Variants in GRIK2 observed in about 807,000 individuals in gnomAD.
The protein encoded by GRIK2 is glutamate receptor ionotropic, kainate 2.
GRIK2 carries 32 observed loss-of-function variants against 100.3 expected under a neutral mutation model. The observed-to-expected ratio is 0.32, with a 90% CI of 0.24 to 0.43. The LOEUF is 0.43. GRIK2 is among the 20% of genes least tolerant of loss of function. The pLI, the probability that GRIK2 is intolerant of heterozygous loss-of-function variation, is 1.00. For synonymous variants in GRIK2, 417 were observed against 389.4 expected, an observed-to-expected ratio of 1.07 and a Z score of -0.83; for missense variants, 843 against 1,114.9, an observed-to-expected ratio of 0.76 and a Z score of 3.47.
chr6:101,691,235 A>G (rs1048291061), intron 7 of GRIK2, among the ~76,000 whole-genome samples: 3 of 152,010 alleles, frequency 2.0e-5, no homozygotes, highest in Non-Finnish European at 4.4e-5. Flanking sequence ...TATTATCAAT[A>G]TATCTAATCA....
intron 6 of GRIK2, among the ~76,000 whole-genome samples, chr6:101,684,377 G>A (rs949395): frequency 0.93 from 141,140 of 152,274 alleles, 65,501 homozygotes; most frequent in African/African-American, 0.96. Context: ...GATCCTAATC[G>A]AACTTTCCCA....
intron 4 of GRIK2, among the ~76,000 whole-genome samples, chr6:101,636,623 C>T (rs1042416496): frequency 6.6e-6 from 1 of 151,842 alleles, no homozygotes; most frequent in South Asian, 2.1e-4. Context: ...CACGGAAAGA[C>T]AAAAATCAAA....
rs1272202838 is a variant in GRIK2, at chr6:101,696,777, C to T, written c.951+10424C>T. Among the ~76,000 whole-genome samples, 3 of 151,798 alleles carry T rather than the reference C, an allele frequency of 2.0e-5. No homozygotes were observed. The East Asian group carries it at 5.8e-4, about 29-fold the overall frequency. On this transcript the variant is annotated intron_variant, in intron 7 of 16. Transcript: ENST00000369134. ...ATATATAGAAAGAAAGATCCCTAAA[C>T]TATTGTCAGAAGCAAATATAAAAGA...
intron 2 of GRIK2, among the ~76,000 whole-genome samples, chr6:101,498,541 C>T (rs1394407561): frequency 6.7e-6 from 1 of 149,940 alleles, no homozygotes; most frequent in Admixed American, 6.7e-5. Context: ...TGTTTCCTGA[C>T]TTTTGAATGC....
chr6:101,993,271 C>T (rs1380304714), intron 14 of GRIK2: 1 of 151,212 alleles, frequency 6.6e-6, no homozygotes, highest in East Asian at 1.9e-4. Flanking sequence ...ATTACATGAC[C>T]TATGATTAAT....
At chr6:101,828,754 G>A (rs1490533779) in intron 10 of GRIK2, among the ~76,000 whole-genome samples, 1 of 151,862 alleles carries the variant, frequency 6.6e-6, no homozygotes. Context: ...CTAATAATGA[G>A]CAAAGGAATT....
rs1790419225 is a variant in GRIK2 at position 101,933,533 on chromosome 6, TA to T, written c.2085+4903del. The stretch of plus-strand genomic sequence containing the variant: ...TACAACTACAACGTGTAATTAAAAA[TA>T]ATATTTTCCCCTGTATTCATGGATT... On this transcript the variant is annotated intron_variant, in intron 14 of 16. Transcript: ENST00000369134. Among the ~76,000 whole-genome samples the T allele has an allele frequency of 3.3e-5, 5 of 152,068 alleles. No individual in the cohort carries two copies. The South Asian group carries it at 1.0e-3, about 31-fold the overall frequency.
chr6:101,604,694 G>C (rs1430606441), intron 2 of GRIK2, among the ~76,000 whole-genome samples: 1 of 151,926 alleles, frequency 6.6e-6, no homozygotes, highest in Non-Finnish European at 1.5e-5. Context: ...TCCACATAAT[G>C]ATAGTTTAAA....
intron 14 of GRIK2, among the ~76,000 whole-genome samples, chr6:101,980,069 T>G (rs753586223): frequency 9.9e-5 from 15 of 151,904 alleles, no homozygotes; most frequent in Non-Finnish European, 1.9e-4. Flanking sequence ...TTCGAAAGGA[T>G]GCTGGTGAGC....
intron 10 of GRIK2, among the ~76,000 whole-genome samples, chr6:101,850,332 AG>A (rs1784062496): frequency 6.6e-6 from 1 of 151,988 alleles, no homozygotes. Context: ...GGACAGAGTA[AG>A]AGTTCAGTGT....
chr6:101,724,567 A>C (rs1210904948), intron 7 of GRIK2, among the ~76,000 whole-genome samples: 1 of 151,950 alleles, frequency 6.6e-6, no homozygotes, highest in East Asian at 1.9e-4. Flanking sequence ...GTGTACATGT[A>C]ACACATTTTG....
At chr6:101,834,971 C>A (rs1010525625) in intron 10 of GRIK2, among the ~76,000 whole-genome samples, 1 of 152,118 alleles carries the variant, frequency 6.6e-6, no homozygotes, top group Admixed American at 6.5e-5. Context: ...TCACTGCACT[C>A]CAGCCTGGGT....
At chr6:101,876,122 T>C (rs1296329087) in intron 11 of GRIK2, among the ~76,000 whole-genome samples, 1 of 151,750 alleles carries the variant, frequency 6.6e-6, no homozygotes, top group African/African-American at 2.4e-5. Flanking sequence ...GAAGTCAAAA[T>C]TTAAGAAGAA....
chr6:101,821,105 A>G (rs1036133375), intron 10 of GRIK2, among the ~76,000 whole-genome samples: 8 of 152,218 alleles, frequency 5.3e-5, no homozygotes, highest in African/African-American at 1.9e-4. Context: ...GACGAAGTAC[A>G]GAACTTTCAA....
intron 10 of GRIK2, among the ~76,000 whole-genome samples, chr6:101,824,973 G>GTT (rs989200016): frequency 6.6e-6 from 1 of 152,070 alleles, no homozygotes; most frequent in East Asian, 1.9e-4. Flanking sequence ...AACAAAAGCA[G>GTT]TTTTTTTCTA....
chr6:101,400,408 A>T (rs546671555), intron 2 of GRIK2, among the ~76,000 whole-genome samples: 3 of 152,300 alleles, frequency 2.0e-5, no homozygotes, highest in South Asian at 4.1e-4. Context: ...TAGGAGCAGA[A>T]CTAGTCAGGG....
intron 10 of GRIK2, among the ~76,000 whole-genome samples, chr6:101,855,504 T>C (rs1784377573): frequency 6.6e-6 from 1 of 152,074 alleles, no homozygotes; most frequent in Non-Finnish European, 1.5e-5. Flanking sequence ...CATGTGAAGA[T>C]CTTAAGATAG....
intron 2 of GRIK2, among the ~76,000 whole-genome samples, chr6:101,535,499 A>G (rs555736377): frequency 6.6e-6 from 1 of 151,868 alleles, no homozygotes; most frequent in African/African-American, 2.4e-5. Flanking sequence ...TTTGTTTGGG[A>G]AATCGGGAAT....
rs184973468 is a variant in GRIK2 at position 101,795,829 on chromosome 6, G to A, written c.952-3819G>A. Among the ~76,000 whole-genome samples, 366 of 152,260 alleles carry A rather than the reference G, an allele frequency of 2.4e-3. 1 individual carries two copies. Among genetic ancestry groups the A allele is most frequent in the South Asian group, 0.012 (59 of 4,828 alleles). On this transcript the variant is annotated intron_variant, in intron 7 of 16. Transcript: ENST00000369134. ...CCTTAGTGTCCCCTGATGGGTGCAT[G>A]GGAATAGGCTGTGGTGAATAGGACA... is the stretch of plus-strand genomic sequence containing the variant.
Sources: allele counts gnomAD v4.1 joint callset (sites outside exome capture counted in the v4.1 genomes callset), GRCh38; gene constraint gnomAD v4.1.1; transcripts MANE v1.5; gene names NCBI Gene and HGNC (gene_info 2026-07-23, HGNC 2026-07-21).